The following PCDHA13 variants were observed in gnomAD, a reference collection of about 807,000 sequenced individuals.
PCDHA13 encodes protocadherin alpha-13.
A neutral mutation model predicts 64.8 loss-of-function variants in PCDHA13; 54 were observed. The observed-to-expected ratio is 0.83, with a 90% CI of 0.67 to 1.04. The LOEUF is 1.04. PCDHA13 is among the 50% of genes least tolerant of loss of function. The pLI is 0.00. For missense variants in PCDHA13, 1,248 were observed against 1,254.3 expected (o/e 0.99, Z 0.08); for synonymous variants, 587 against 564.4 (o/e 1.04, Z -0.57).
chr5:140,892,941 A>G (rs1554185454), intron 1 of PCDHA13, among the ~76,000 whole-genome samples: 1 of 152,178 alleles, frequency 6.6e-6, no homozygotes, highest in African/African-American at 2.4e-5. Context: ...GATAAGCACA[A>G]TACTACTTCC....
intron 1 of PCDHA13, among the ~76,000 whole-genome samples, chr5:140,903,657 A>G (rs913315008): frequency 6.6e-6 from 1 of 152,230 alleles, no homozygotes; most frequent in Non-Finnish European, 1.5e-5. Flanking sequence ...TATATTATAA[A>G]TTTAACTGAT....
chr5:140,936,846 T>C (rs1385625641), intron 1 of PCDHA13, among the ~76,000 whole-genome samples: 1 of 152,206 alleles, frequency 6.6e-6, no homozygotes, highest in Non-Finnish European at 1.5e-5. Context: ...AATTGTAGAT[T>C]CAGCTTCTCA....
chr5:140,904,911 G>A (rs2153487307), intron 1 of PCDHA13, among the ~76,000 whole-genome samples: 1 of 152,172 alleles, frequency 6.6e-6, no homozygotes, highest in African/African-American at 2.4e-5. Flanking sequence ...TTACTGATTT[G>A]TTTGACTTCC....
At chr5:140,997,833 A>G (rs2097787444) in intron 3 of PCDHA13, among the ~76,000 whole-genome samples, 1 of 152,230 alleles carries the variant, frequency 6.6e-6, no homozygotes. Flanking sequence ...TCTAAACAAT[A>G]CAATATACAT....
intron 3 of PCDHA13, among the ~76,000 whole-genome samples, chr5:141,007,379 C>G (rs1178671835): frequency 7.1e-6 from 1 of 139,926 alleles, no homozygotes; most frequent in Non-Finnish European, 1.5e-5. Flanking sequence ...GATGGAACAC[C>G]ATCTCTACTA....
At chr5:140,979,150 C>T (rs1470916466) in intron 2 of PCDHA13, 143 bp downstream of exon 2, 4 of 1,435,458 alleles carry the variant, frequency 2.8e-6, no homozygotes, top group Middle Eastern at 3.7e-4. Context: ...ATTTTGTCCC[C>T]ATGTTTATTC....
chr5:140,993,546 G>A (rs1013720873), intron 3 of PCDHA13, among the ~76,000 whole-genome samples: 4 of 151,434 alleles, frequency 2.6e-5, no homozygotes, highest in Non-Finnish European at 5.9e-5. Context: ...AGATAGAGAA[G>A]TGAAGTATAT....
At chr5:140,969,957 G>A (rs1554232176) in intron 1 of PCDHA13, among the ~76,000 whole-genome samples, 1 of 152,178 alleles carries the variant, frequency 6.6e-6, no homozygotes, top group East Asian at 1.9e-4. Flanking sequence ...AGTTTGCTTT[G>A]GCTGTATGAT....
intron 1 of PCDHA13, among the ~76,000 whole-genome samples, chr5:140,970,086 G>T (rs1263388270): frequency 6.6e-6 from 1 of 152,102 alleles, no homozygotes; most frequent in Non-Finnish European, 1.5e-5. Flanking sequence ...TTAGGGGTGT[G>T]GGGGGATGGT....
intron 1 of PCDHA13, chr5:140,929,073 T>C (rs782591499): frequency 1.9e-6 from 3 of 1,614,200 alleles, no homozygotes; most frequent in Non-Finnish European, 2.5e-6. Flanking sequence ...ATCTGAGGTA[T>C]GGAAGTAAGA....
At chr5:140,927,558 T>C (rs1554204736) in intron 1 of PCDHA13, 1 of 1,614,144 alleles carries the variant, frequency 6.2e-7, no homozygotes, top group East Asian at 2.2e-5. Context: ...TCACCATCAT[T>C]GTGGTGGACA....
chr5:140,925,082 AAAGGAAGGAAGG>A (rs138596875), intron 1 of PCDHA13, among the ~76,000 whole-genome samples: 78 of 147,388 alleles, frequency 5.3e-4, no homozygotes, highest in African/African-American at 1.8e-3. Context: ...GCTCATCTGG[AAAGGAAGGAAGG>A]AAGGAAGGAA....
At chr5:141,009,577 C>T in intron 3 of PCDHA13, 50 bp from the exon 4 acceptor site, 1 of 1,584,324 alleles carries the variant, frequency 6.3e-7, no homozygotes, top group South Asian at 1.2e-5. Flanking sequence ...AGTGTGGCAT[C>T]AAGAGCATGT....
At chr5:140,996,503 G>A (rs1306027159) in intron 3 of PCDHA13, among the ~76,000 whole-genome samples, 1 of 152,120 alleles carries the variant, frequency 6.6e-6, no homozygotes, top group African/African-American at 2.4e-5. Context: ...TGGCTTCTTG[G>A]GGCCCAGCAT....
At chr5:140,886,254 CTATT>C (rs1407308299) in intron 1 of PCDHA13, among the ~76,000 whole-genome samples, 1 of 151,720 alleles carries the variant, frequency 6.6e-6, no homozygotes, top group African/African-American at 2.4e-5. Context: ...AAAAGTATCT[CTATT>C]TATAGATAAA....
intron 1 of PCDHA13, among the ~76,000 whole-genome samples, chr5:140,894,025 A>G (rs1473023847): frequency 1.3e-5 from 2 of 152,232 alleles, no homozygotes; most frequent in Admixed American, 6.5e-5. Flanking sequence ...CCAGTTCTGC[A>G]TACTGGTAAT....
At position 140,882,453 on chromosome 5, in the gene PCDHA13, G is replaced by C; in HGVS notation, c.185G>C (p.Arg62Pro). The C allele has an allele frequency of 1.2e-6, 2 of 1,614,042 alleles. No homozygotes were observed. Among genetic ancestry groups the C allele is most frequent in the South Asian group, 2.2e-5 (2 of 91,070 alleles). Residue 62 changes from arginine (R) to proline (P), a missense_variant, in exon 1 of 4, where the codon CGC (arginine) becomes CCC (proline). Transcript: ENST00000289272. ...LGLELAELVP[R>P]LFRVASKRHG... ...CTGGAGCTGGCGGAGCTGGTGCCGC[G>C]CCTGTTCCGGGTGGCGTCCAAAAGA... is the stretch of plus-strand genomic sequence containing the variant.
chr5:140,925,499 T>C (rs2082524680), intron 1 of PCDHA13, among the ~76,000 whole-genome samples: 1 of 152,018 alleles, frequency 6.6e-6, no homozygotes, highest in African/African-American at 2.4e-5. Flanking sequence ...ACTGTCCCAA[T>C]ATCCACGCAA....
Position 140,969,539 on chromosome 5 carries a change from A to G in PCDHA13, c.2395-9410A>G, listed in dbSNP as rs551546462. ...GAATTGTTTTATTTTTCATTTTCAGAGGCATGAAGCCTTGTCCATAAAATT... is the reference window on the plus strand; with the variant it reads ...GAATTGTTTTATTTTTCATTTTCAGGGGCATGAAGCCTTGTCCATAAAATT... On this transcript the variant is annotated intron_variant, in intron 1 of 3. Transcript: ENST00000289272. The G allele has an allele frequency of 2.3e-6, 3 of 1,303,614 alleles. No individual in the cohort carries two copies. The Admixed American group carries it at 8.5e-5, about 37-fold the overall frequency. 80.8% of individuals were successfully genotyped at this position (1,303,614 alleles called of 1,614,324 possible).
Sources: gnomAD v4.1 joint callset for allele counts (sites outside exome capture counted in the v4.1 genomes callset) on GRCh38, gnomAD v4.1.1 for gene constraint, MANE v1.5 for transcripts, NCBI Gene and HGNC (gene_info 2026-07-23, HGNC 2026-07-21) for gene names.